Variants in TRIM37 observed in about 807,000 individuals in gnomAD.
TRIM37 encodes E3 ubiquitin-protein ligase TRIM37.
Under a neutral mutation model 129.8 loss-of-function variants are expected in TRIM37, and 80 were observed. The ratio of observed to expected loss-of-function variants is 0.62; its 90% confidence interval spans 0.51 to 0.74. TRIM37 has a LOEUF of 0.74. TRIM37 is among the 30% of genes least tolerant of loss of function. TRIM37 has a pLI of 0.00. For synonymous variants in TRIM37, 389 were observed against 387.1 expected, an observed-to-expected ratio of 1.00 and a Z score of -0.06; for missense variants, 1,054 against 1,176.5, an observed-to-expected ratio of 0.90 and a Z score of 1.52.
intron 16 of TRIM37, among the ~76,000 whole-genome samples, chr17:59,042,815 G>C (rs888195005): frequency 5.9e-5 from 9 of 151,620 alleles, no homozygotes; most frequent in Non-Finnish European, 1.2e-4. Flanking sequence ...TAAAAAAAAA[G>C]AACTGTGTCA....
Position 59,056,942 on chromosome 17 carries a change from A to G in TRIM37, c.1132T>C (p.Phe378Leu). 6.2e-7 allele frequency: 1 copy of G among 1,613,808 alleles called. No individual in the cohort carries two copies. The highest frequency in any genetic ancestry group is 1.1e-5 in the South Asian group (1 of 91,068). Residue 378 changes from phenylalanine to leucine, a missense_variant, in exon 13 of 24, where the codon TTT (phenylalanine) becomes CTT (leucine). Physicochemically the swap from Phe to Leu is conservative, Grantham distance 22 (BLOSUM62 0). Transcript: ENST00000262294. Reference sequence around the variant, plus strand: ...TTTGCGAGTAAGTCCAAACGGAAAAATCTATTATAGCCCCAGCATTCTCCA... The same window carrying G: ...TTTGCGAGTAAGTCCAAACGGAAAAGTCTATTATAGCCCCAGCATTCTCCA... Reference protein sequence around the residue: ...EVGECWGYNRFFRLDLLANEG... With the variant: ...EVGECWGYNRLFRLDLLANEG...
chr17:59,034,058 G>C (rs907034858), intron 17 of TRIM37, among the ~76,000 whole-genome samples: 5 of 150,812 alleles, frequency 3.3e-5, no homozygotes, highest in African/African-American at 1.2e-4. Context: ...AGTGAGCCAA[G>C]ATCACACCAC....
At chr17:59,040,811 C>T (rs1473579365) in intron 17 of TRIM37, among the ~76,000 whole-genome samples, 2 of 151,918 alleles carry the variant, frequency 1.3e-5, no homozygotes, top group Non-Finnish European at 2.9e-5. Context: ...CTTTGGGAGG[C>T]CGAGGCGGGT....
intron 7 of TRIM37, 152 bp from the exon 8 acceptor site, chr17:59,075,866 T>A: frequency 1.5e-6 from 1 of 661,718 alleles, no homozygotes; most frequent in Non-Finnish European, 2.7e-6. Context: ...CATTCAACTT[T>A]AAGAGGCTGA....
intron 9 of TRIM37, among the ~76,000 whole-genome samples, chr17:59,064,774 G>A (rs1464689573): frequency 2.0e-5 from 3 of 152,164 alleles, no homozygotes; most frequent in African/African-American, 7.2e-5. Context: ...ACCCAGATGT[G>A]GTGGTGTGCA....
At chr17:58,984,715 T>C (rs985197630) in intron 24 of TRIM37, 3 of 152,618 alleles carry the variant, frequency 2.0e-5, no homozygotes, top group Non-Finnish European at 4.4e-5. Flanking sequence ...ACACAATGAT[T>C]TTCCAGACAA....
At chr17:59,005,535 G>A (rs191477620) in intron 22 of TRIM37, among the ~76,000 whole-genome samples, 16 of 152,144 alleles carry the variant, frequency 1.1e-4, no homozygotes, top group Admixed American at 8.5e-4. Flanking sequence ...TACCCGCTTC[G>A]GCCTCCCAAA....
In TRIM37 at chr17:59,051,203, T is replaced by A; in HGVS notation, c.1314+11A>T. ...TAGGAAACACCAAAACAGAAATAGA[T>A]ATTTTCTTACCTCTTTAAGGTTGTT... On this transcript the variant is annotated intron_variant, in intron 14 of 23. Coordinates refer to ENST00000262294, the MANE Select transcript of TRIM37 (RefSeq NM_015294.6). The A allele has an allele frequency of 6.5e-7, 1 of 1,539,898 alleles. No homozygotes were observed. Among genetic ancestry groups the A allele is most frequent in the Non-Finnish European group, 9.0e-7 (1 of 1,112,816 alleles).
At chr17:59,060,951 C>A in intron 12 of TRIM37, 81 bp downstream of exon 12, 1 of 1,025,066 alleles carries the variant, frequency 9.8e-7, no homozygotes, top group Non-Finnish European at 1.5e-6. Flanking sequence ...CAGTAATTAA[C>A]AAAAATAAAA....
At chr17:58,974,034 G>A in the TRIM37 span, among the ~76,000 whole-genome samples, 1,372 of 151,570 alleles carry the variant, frequency 9.1e-3, 25 homozygotes, top group African/African-American at 0.031. Context: ...AGGCTGAGGC[G>A]GAAGGATTGC....
At chr17:59,056,169 C>T (rs1013593856) in intron 13 of TRIM37, among the ~76,000 whole-genome samples, 7 of 152,080 alleles carry the variant, frequency 4.6e-5, no homozygotes, top group African/African-American at 1.7e-4. Flanking sequence ...TGGAACATTA[C>T]TATACTTACT....
At chr17:58,994,048 G>A (rs369425646), downstream of TRIM37, among the ~76,000 whole-genome samples, 104 of 152,270 alleles carry the variant, frequency 6.8e-4, no homozygotes, top group South Asian at 0.02. Flanking sequence ...GGAGGCCAAC[G>A]GTTCTGAAGC....
At chr17:59,029,899 G>A (rs1056563602) in intron 18 of TRIM37, among the ~76,000 whole-genome samples, 1 of 152,132 alleles carries the variant, frequency 6.6e-6, no homozygotes, top group African/African-American at 2.4e-5. Flanking sequence ...TCACTGAAAG[G>A]TATTTTCATT....
chr17:58,987,701 T>C (rs184144199), intron 24 of TRIM37, among the ~76,000 whole-genome samples: 143 of 152,284 alleles, frequency 9.4e-4, no homozygotes, highest in African/African-American at 3.3e-3. Flanking sequence ...CAAATGAATA[T>C]GCAAAAAAGA....
At chr17:59,074,955 T>C (rs2042677801) in intron 8 of TRIM37, among the ~76,000 whole-genome samples, 1 of 152,208 alleles carries the variant, frequency 6.6e-6, no homozygotes. Context: ...GACTTAATAT[T>C]TCCTCAATAA....
rs1161595031 is a variant in TRIM37, at chr17:59,049,198, T to A, written c.1510A>T (p.Ile504Phe). Residue 504 changes from isoleucine to phenylalanine, a missense_variant, in exon 15 of 24, where the codon ATT becomes TTT. Ile to Phe is a conservative substitution (Grantham distance 21). This residue lies in a region of TRIM37 where 752 missense variants were observed against 870.8 expected (regional missense o/e 0.86). Transcript: ENST00000262294. Reference protein sequence around the residue: ...AKEDEEDEEKIQNEDYHHELS... With the variant: ...AKEDEEDEEKFQNEDYHHELS... ...ATTACATGATAATCTTCATTCTGAATCTTCTCCTCATCTTCTTCATCCTCT... is the reference window on the plus strand; with the variant it reads ...ATTACATGATAATCTTCATTCTGAAACTTCTCCTCATCTTCTTCATCCTCT... The A allele has an allele frequency of 5.6e-6, 9 of 1,614,128 alleles. No homozygotes were observed.
chr17:58,992,599 C>T (rs573234020), intron 24 of TRIM37, among the ~76,000 whole-genome samples: 9 of 152,168 alleles, frequency 5.9e-5, no homozygotes, highest in East Asian at 1.9e-4. Flanking sequence ...AGGCTGGTCT[C>T]GAACTCCCGA....
intron 8 of TRIM37, among the ~76,000 whole-genome samples, chr17:59,074,049 T>C (rs770484457): frequency 1.3e-5 from 2 of 152,248 alleles, no homozygotes; most frequent in Non-Finnish European, 2.9e-5. Context: ...TTATATACCA[T>C]ACATAATAAT....
rs892757751 is a variant in TRIM37, at chr17:59,106,857, G to C, written c.-396C>G. 1 of 340,726 alleles carries C rather than the reference G, an allele frequency of 2.9e-6. No individual in the cohort carries two copies. The highest frequency in any genetic ancestry group is 2.2e-5 in the African/African-American group (1 of 44,992). 21.1% of individuals were successfully genotyped at this position (340,726 alleles called of 1,614,324 possible). ...CACCAACCGTAACCAGAGCAGCTGG[G>C]GGCGCGGCGGCGAGAGAAGCTGCGA... On this transcript the variant is annotated 5_prime_UTR_variant, in exon 1 of 24. Transcript: ENST00000262294.
Sources: gnomAD v4.1 joint callset for allele counts (sites outside exome capture counted in the v4.1 genomes callset) on GRCh38, gnomAD v4.1.1 for gene constraint, gnomAD v4.1.1 regional missense constraint, MANE v1.5 for transcripts, NCBI Gene and HGNC (gene_info 2026-07-23, HGNC 2026-07-21) for gene names.